Variants in FHAD1 observed in about 807,000 individuals in gnomAD.
FHAD1 encodes forkhead-associated domain-containing protein 1.
A neutral mutation model predicts 191.3 loss-of-function variants in FHAD1; 146 were observed. That is an observed-to-expected ratio of 0.76 (90% confidence interval 0.67 to 0.88). The LOEUF is 0.88. Among genes scored for constraint, FHAD1 ranks in the 40% least tolerant of loss-of-function variants. FHAD1 has a pLI of 0.00. For synonymous variants in FHAD1, 616 were observed against 672.3 expected (o/e 0.92, Z 1.29); for missense variants, 1,635 against 1,785.8 (o/e 0.92, Z 1.52).
At chr1:15,361,056 A>G (rs1694642392) in intron 22 of FHAD1, among the ~76,000 whole-genome samples, 1 of 152,196 alleles carries the variant, frequency 6.6e-6, no homozygotes, top group African/African-American at 2.4e-5. Flanking sequence ...TCTCTCTGCC[A>G]TCGGCCTTTT....
intron 33 of FHAD1, among the ~76,000 whole-genome samples, chr1:15,395,386 G>A (rs1050887098): frequency 1.4e-4 from 21 of 151,000 alleles, no homozygotes; most frequent in South Asian, 6.3e-4. Flanking sequence ...GCATGCACTC[G>A]GGCACACACA....
At chr1:15,355,703 C>T (rs971818131) in intron 20 of FHAD1, among the ~76,000 whole-genome samples, 2 of 152,116 alleles carry the variant, frequency 1.3e-5, no homozygotes, top group Non-Finnish European at 2.9e-5. Context: ...GTGAGCACCT[C>T]CATAGGCCAG....
At chr1:15,376,461 A>G (rs1699689819) in intron 28 of FHAD1, among the ~76,000 whole-genome samples, 1 of 152,232 alleles carries the variant, frequency 6.6e-6, no homozygotes, top group African/African-American at 2.4e-5. Flanking sequence ...GTTTGCCTAA[A>G]GTTTGCTTTT....
At chr1:15,240,495 G>A (rs1433478030) in intron 1 of FHAD1, among the ~76,000 whole-genome samples, 2 of 151,964 alleles carry the variant, frequency 1.3e-5, no homozygotes, top group Non-Finnish European at 2.9e-5. Flanking sequence ...AATAGGCTTA[G>A]TGGTACATGG....
intron 9 of FHAD1, among the ~76,000 whole-genome samples, 178 bp from the exon 10 acceptor site, chr1:15,317,646 A>G (rs894571625): frequency 1.3e-4 from 20 of 152,200 alleles, no homozygotes; most frequent in African/African-American, 4.3e-4. Context: ...AATAAAGTCT[A>G]TTTTGCTGAG....
At chr1:15,328,073 C>A in intron 12 of FHAD1, 1 of 364,804 alleles carries the variant, frequency 2.7e-6, no homozygotes, top group Non-Finnish European at 4.9e-6. Flanking sequence ...AAGAGAATCT[C>A]TGATTCTGGG....
Position 15,332,519 on chromosome 1 carries a change from G to GCCTTT in FHAD1, c.1906+2979_1906+2980insCTTTC, listed in dbSNP as rs778198968. Among the ~76,000 whole-genome samples, 62 of 152,202 alleles carry GCCTTT rather than the reference G, an allele frequency of 4.1e-4. 1 individual carries two copies. Among genetic ancestry groups the GCCTTT allele is most frequent in the Admixed American group, 3.4e-3 (52 of 15,282 alleles). Reference sequence around the variant, plus strand: ...GGCTTGAAGTTCAAGACCAACCTGGGCAACATCGTGAAACCCCTCATCTCC... The same window carrying GCCTTT: ...GGCTTGAAGTTCAAGACCAACCTGGGCCTTTCAACATCGTGAAACCCCTCATCTCC... On this transcript the variant is annotated intron_variant, in intron 14 of 33. Transcript: ENST00000688493.
intron 6 of FHAD1, among the ~76,000 whole-genome samples, chr1:15,304,313 G>A (rs1669755458): frequency 6.6e-6 from 1 of 152,190 alleles, no homozygotes; most frequent in Non-Finnish European, 1.5e-5. Flanking sequence ...CAGTGTAATA[G>A]GCACTAACAC....
At position 15,317,546 on chromosome 1, in the gene FHAD1, G is replaced by T. The variant is rs567401985; in HGVS notation, c.1261-278G>T. ...GAGCAGGGTTTCAAGTGAGTTGATG[G>T]GTGTCCTGTAGTCCTTAATCCAGGA... On this transcript the variant is annotated intron_variant, in intron 9 of 33. Transcript: ENST00000688493. Among the ~76,000 whole-genome samples, 5 of 152,332 alleles carry T rather than the reference G, an allele frequency of 3.3e-5. No individual in the cohort carries two copies. In the South Asian group the frequency reaches 1.0e-3, roughly 32 times the overall value.
chr1:15,297,523 T>C (rs1043566918), intron 5 of FHAD1, among the ~76,000 whole-genome samples: 2 of 152,180 alleles, frequency 1.3e-5, no homozygotes, highest in Non-Finnish European at 2.9e-5. Context: ...GAGTGACATG[T>C]CCAGGAATCT....
chr1:15,353,168 C>G (rs1013595703), intron 20 of FHAD1, among the ~76,000 whole-genome samples, 184 bp downstream of exon 20: 6 of 152,140 alleles, frequency 3.9e-5, no homozygotes, highest in Non-Finnish European at 7.3e-5. Context: ...ACACACAGAT[C>G]AATCTCCTTG....
chr1:15,247,557 G>C (rs1267747492), intron 1 of FHAD1, among the ~76,000 whole-genome samples, 162 bp downstream of exon 1: 1 of 152,048 alleles, frequency 6.6e-6, no homozygotes, highest in Non-Finnish European at 1.5e-5. Context: ...CCCAACACCA[G>C]CCCCTCCTTT....
intron 14 of FHAD1, among the ~76,000 whole-genome samples, chr1:15,332,500 A>G (rs2101923126): frequency 6.6e-6 from 1 of 152,266 alleles, no homozygotes; most frequent in African/African-American, 2.4e-5. Flanking sequence ...TTAAGGCTTG[A>G]AGTTCAAGAC....
In FHAD1 at chr1:15,375,734, A is replaced by G; in HGVS notation, c.3705+4A>G. On this transcript the variant is annotated splice_donor_region_variant and intron_variant, in intron 28 of 33. Transcript: ENST00000688493. ...CTCAAGAATAGAGATCCTAGCGGTA[A>G]CCAAAGAAAATTCTCTCTGCTGTGA... 1.3e-6 allele frequency: 2 copies of G among 1,528,368 alleles called. No homozygotes were observed. The highest frequency in any genetic ancestry group is 8.8e-7 in the Non-Finnish European group (1 of 1,140,252). The allele number at this position is 1,528,368 out of a possible 1,614,324, so 94.7% of individuals were successfully genotyped here. A position where few individuals can be genotyped will look rare whatever the true frequency, so the allele number is the denominator to read the frequency against.
intron 14 of FHAD1, among the ~76,000 whole-genome samples, chr1:15,332,526 C>T (rs1038426898): frequency 1.3e-5 from 2 of 152,050 alleles, no homozygotes; most frequent in African/African-American, 2.4e-5. Context: ...TGGGCAACAT[C>T]GTGAAACCCC....
intron 31 of FHAD1, chr1:15,383,188 CAG>C: frequency 4.2e-6 from 2 of 471,640 alleles, no homozygotes; most frequent in Non-Finnish European, 8.8e-6. Flanking sequence ...GCCTCGCAGA[CAG>C]ATGGTGAGGA....
rs550891084 is a variant in FHAD1, at chr1:15,255,395, A to G, written c.93+3518A>G. 3.3e-5 allele frequency among the ~76,000 whole-genome samples: 5 copies of G among 152,368 alleles called. No individual in the cohort carries two copies. In the East Asian group the frequency reaches 5.8e-4, roughly 18 times the overall value. Reference sequence around the variant, plus strand: ...AAGAAAATAAAAATCACTTGTAATCATGTGACTCAGGGACAATCAATATTG... The same window carrying G: ...AAGAAAATAAAAATCACTTGTAATCGTGTGACTCAGGGACAATCAATATTG... On this transcript the variant is annotated intron_variant, in intron 2 of 33. Transcript: ENST00000688493.
intron 3 of FHAD1, among the ~76,000 whole-genome samples, chr1:15,279,507 T>A (rs1659715324): frequency 6.7e-6 from 1 of 149,044 alleles, no homozygotes; most frequent in Non-Finnish European, 1.5e-5. Flanking sequence ...CTTCCTTCTG[T>A]CTTCTTCCTT....
chr1:15,335,070 G>A (rs1003428499), intron 14 of FHAD1, among the ~76,000 whole-genome samples: 5 of 152,190 alleles, frequency 3.3e-5, no homozygotes, highest in African/African-American at 9.6e-5. Flanking sequence ...ATCCTGAAAC[G>A]AATCCCCCAG....
Sources: allele counts gnomAD v4.1 joint callset (sites outside exome capture counted in the v4.1 genomes callset), GRCh38; gene constraint gnomAD v4.1.1; transcripts MANE v1.5; gene names NCBI Gene and HGNC (gene_info 2026-07-23, HGNC 2026-07-21).